MAP7: variants seen among roughly 807,000 people sequenced by gnomAD.
MAP7 encodes ensconsin.
In MAP7, 52 loss-of-function variants were observed where a neutral mutation model predicts 94.8. The ratio of observed to expected loss-of-function variants is 0.55; its 90% CI spans 0.44 to 0.69. The LOEUF is 0.69. Among genes scored for constraint, MAP7 ranks in the 30% least tolerant of loss-of-function variants. MAP7 has a pLI of 0.00. For missense variants in MAP7, 940 were observed against 964.6 expected (o/e 0.97, Z 0.34); for synonymous variants, 350 against 357.0 (o/e 0.98, Z 0.22).
chr6:136,520,199 CAAA>C (rs61528866), intron 1 of MAP7, among the ~76,000 whole-genome samples: 7 of 65,812 alleles, frequency 1.1e-4, no homozygotes, highest in South Asian at 5.6e-4. Context: ...GAGTTTGCCT[CAAA>C]AAAAAAAAAA....
chr6:136,490,654 G>A (rs1816290609), intron 1 of MAP7, among the ~76,000 whole-genome samples: 1 of 152,156 alleles, frequency 6.6e-6, no homozygotes, highest in Non-Finnish European at 1.5e-5. Flanking sequence ...GATTTCAGAC[G>A]TCAGCACATA....
At chr6:136,355,593 CATTAT>C (rs1790683187) in intron 16 of MAP7, among the ~76,000 whole-genome samples, 1 of 150,626 alleles carries the variant, frequency 6.6e-6, no homozygotes, top group Non-Finnish European at 1.5e-5. Context: ...TATAAAATTA[CATTAT>C]AAAATGTAGT....
chr6:136,480,817 C>CA (rs1812616329), intron 1 of MAP7, among the ~76,000 whole-genome samples: 1 of 151,840 alleles, frequency 6.6e-6, no homozygotes, highest in South Asian at 2.1e-4. Flanking sequence ...AGGAAACAAT[C>CA]AAAAAGGGAA....
At chr6:136,351,783 C>A (rs1257056271) in intron 16 of MAP7, among the ~76,000 whole-genome samples, 1 of 152,220 alleles carries the variant, frequency 6.6e-6, no homozygotes, top group African/African-American at 2.4e-5. Context: ...TGGATCCAGA[C>A]CTGTTAAATA....
rs142547655 is a variant in MAP7 at position 136,352,214 on chromosome 6, G to A, written c.2015+4478C>T. ...TATTTTTTTTTTTTTTTTTAACAGG[G>A]TCCCACTCTGTTGCCCAGGGTGGAG... is the stretch of plus-strand genomic sequence containing the variant. On this transcript the variant is annotated intron_variant, in intron 16 of 17. Transcript: ENST00000354570. Among the ~76,000 whole-genome samples, 442 of 149,416 alleles carry A rather than the reference G, an allele frequency of 3.0e-3. 2 individuals carry two copies. Among genetic ancestry groups the A allele is most frequent in the African/African-American group, 9.2e-3 (371 of 40,506 alleles).
chr6:136,436,088 A>C (rs1582905714), intron 1 of MAP7, among the ~76,000 whole-genome samples: 1 of 152,210 alleles, frequency 6.6e-6, no homozygotes, highest in Non-Finnish European at 1.5e-5. Context: ...AACAAGCACT[A>C]TAAGAGTATG....
At chr6:136,436,113 G>A (rs950657212) in intron 1 of MAP7, among the ~76,000 whole-genome samples, 5 of 152,120 alleles carry the variant, frequency 3.3e-5, no homozygotes, top group African/African-American at 1.2e-4. Context: ...ATAGGCATAA[G>A]GAAAGGATCA....
intron 1 of MAP7, among the ~76,000 whole-genome samples, chr6:136,471,557 G>T (rs1054948814): frequency 9.9e-5 from 15 of 152,036 alleles, no homozygotes; most frequent in Admixed American, 6.6e-4. Flanking sequence ...GTTGCTGGGG[G>T]TTTTTTTAGC....
intron 1 of MAP7, among the ~76,000 whole-genome samples, chr6:136,505,224 C>T (rs1821027757): frequency 7.1e-6 from 1 of 141,314 alleles, no homozygotes; most frequent in Non-Finnish European, 1.5e-5. Context: ...GTTTTAAGAA[C>T]TCAATTGTAT....
chr6:136,455,228 TAA>T (rs937569558), intron 1 of MAP7, among the ~76,000 whole-genome samples: 1 of 151,984 alleles, frequency 6.6e-6, no homozygotes, highest in Non-Finnish European at 1.5e-5. Flanking sequence ...ATGTGAATAT[TAA>T]AAGTGTTATA....
intron 1 of MAP7, among the ~76,000 whole-genome samples, chr6:136,481,642 G>A (rs1348538844): frequency 6.6e-6 from 1 of 152,186 alleles, no homozygotes; most frequent in Non-Finnish European, 1.5e-5. Context: ...TGGGGATGGA[G>A]GGAGTAGGGA....
intron 1 of MAP7, among the ~76,000 whole-genome samples, chr6:136,438,586 G>C (rs3823168): frequency 0.016 from 2,417 of 152,210 alleles, 85 homozygotes; most frequent in East Asian, 0.13. Context: ...CTGACCCTAG[G>C]AGAACTTCCC....
chr6:136,469,617 C>T (rs1562437446), intron 1 of MAP7, among the ~76,000 whole-genome samples: 1 of 152,124 alleles, frequency 6.6e-6, no homozygotes, highest in Admixed American at 6.5e-5. Context: ...GAACTCCTGG[C>T]TCAAGCAACC....
chr6:136,534,207 T>C (rs1400212649), intron 1 of MAP7, among the ~76,000 whole-genome samples: 4 of 152,226 alleles, frequency 2.6e-5, no homozygotes, highest in African/African-American at 9.6e-5. Context: ...TAAAGACTTA[T>C]TTTAAGGAAT....
chr6:136,463,569 C>G (rs1805954304), intron 1 of MAP7, among the ~76,000 whole-genome samples: 1 of 152,120 alleles, frequency 6.6e-6, no homozygotes, highest in South Asian at 2.1e-4. Flanking sequence ...TTGGCAAATA[C>G]ACAATATAAA....
intron 1 of MAP7, among the ~76,000 whole-genome samples, chr6:136,528,574 C>G (rs938105256): frequency 1.3e-5 from 2 of 152,146 alleles, no homozygotes; most frequent in Non-Finnish European, 2.9e-5. Context: ...ACCCCACATA[C>G]AAAATAAGCA....
At chr6:136,438,896 T>C (rs1797093084) in intron 1 of MAP7, among the ~76,000 whole-genome samples, 1 of 152,074 alleles carries the variant, frequency 6.6e-6, no homozygotes, top group Non-Finnish European at 1.5e-5. Context: ...CAATAAACAA[T>C]TATCATGGTA....
At chr6:136,452,522 T>G (rs1801470252) in intron 1 of MAP7, among the ~76,000 whole-genome samples, 1 of 152,188 alleles carries the variant, frequency 6.6e-6, no homozygotes, top group African/African-American at 2.4e-5. Flanking sequence ...AAGGCTCAAA[T>G]GATCATCAGC....
At chr6:136,538,261 T>C (rs1270688623) in intron 1 of MAP7, among the ~76,000 whole-genome samples, 1 of 152,226 alleles carries the variant, frequency 6.6e-6, no homozygotes, top group Non-Finnish European at 1.5e-5. Flanking sequence ...CTTACTGATA[T>C]TTTCTATTTC....
Sources: gnomAD v4.1 joint callset for allele counts (sites outside exome capture counted in the v4.1 genomes callset) on GRCh38, gnomAD v4.1.1 for gene constraint, MANE v1.5 for transcripts, NCBI Gene and HGNC (gene_info 2026-07-23, HGNC 2026-07-21) for gene names.